Variants in CLTCL1 observed in about 807,000 individuals in gnomAD.
CLTCL1 encodes the protein clathrin heavy chain 2.
In CLTCL1, 159 loss-of-function variants were observed where a neutral mutation model predicts 190.0. The ratio of observed to expected loss-of-function variants is 0.84; its 90% CI spans 0.74 to 0.95. The LOEUF (loss-of-function observed/expected upper bound fraction) is 0.95. Ranked by LOEUF, CLTCL1 falls within the 40% of genes least tolerant of loss-of-function variation. The probability of loss-of-function intolerance (pLI) is 0.00; values close to 1 mark genes in which losing one functional copy is unlikely to be tolerated. For missense variants in CLTCL1, 1,878 were observed against 2,033.4 expected (o/e 0.92, Z 1.47); for synonymous variants, 752 against 769.6 (o/e 0.98, Z 0.38).
chr22:19,282,639 A>G (rs1426960541), intron 1 of CLTCL1, among the ~76,000 whole-genome samples: 1 of 151,770 alleles, frequency 6.6e-6, no homozygotes, highest in African/African-American at 2.4e-5. Context: ...AAAAAAAAAA[A>G]AAGAAAAAGA....
At chr22:19,260,930 GAAAAAA>G (rs34432357) in intron 2 of CLTCL1, among the ~76,000 whole-genome samples, 1 of 139,058 alleles carries the variant, frequency 7.2e-6, no homozygotes, top group Non-Finnish European at 1.6e-5. Context: ...CTACTGATCA[GAAAAAA>G]AAAAAAAGGT....
chr22:19,210,243 T>C (rs2085175502), intron 20 of CLTCL1, 83 bp downstream of exon 20: 1 of 1,387,126 alleles, frequency 7.2e-7, no homozygotes, highest in Non-Finnish European at 1.0e-6. Context: ...TCTGACACCC[T>C]TGGAGAGGAC....
chr22:19,184,268 A>C, intron 29 of CLTCL1: 1 of 338,670 alleles, frequency 3.0e-6, no homozygotes, highest in South Asian at 2.2e-5. Flanking sequence ...TGAGACCCAG[A>C]TGTAGTCACT....
chr22:19,279,740 G>C (rs1555985421), intron 1 of CLTCL1, among the ~76,000 whole-genome samples: 1 of 152,190 alleles, frequency 6.6e-6, no homozygotes, highest in Non-Finnish European at 1.5e-5. Context: ...ATAGAATAGA[G>C]AGCTTTGCGC....
intron 11 of CLTCL1, among the ~76,000 whole-genome samples, chr22:19,229,336 A>G (rs2085847719): frequency 6.6e-6 from 1 of 152,240 alleles, no homozygotes; most frequent in Admixed American, 6.5e-5. Flanking sequence ...AAAGCCAGGT[A>G]AAAGGACAAA....
intron 1 of CLTCL1, among the ~76,000 whole-genome samples, chr22:19,276,485 A>T (rs1246187784): frequency 2.0e-5 from 3 of 152,098 alleles, no homozygotes; most frequent in African/African-American, 7.2e-5. Context: ...CTTTCTCCAA[A>T]GGCCATCTTA....
Position 19,209,117 on chromosome 22 carries a change from A to G in CLTCL1, c.3250-3T>C. On this transcript the variant is annotated splice_region_variant and splice_polypyrimidine_tract_variant and intron_variant, in intron 20 of 32. Transcript: ENST00000427926. ...TTTCCAATGTGCTCGATCAGGACCTAGGGGTTATGAGAGGACTTCCATTCT... is the reference window on the plus strand; with the variant it reads ...TTTCCAATGTGCTCGATCAGGACCTGGGGGTTATGAGAGGACTTCCATTCT... 1 of 1,583,832 alleles carries G rather than the reference A, an allele frequency of 6.3e-7. No homozygotes were observed. The highest frequency in any genetic ancestry group is 8.6e-7 in the Non-Finnish European group (1 of 1,162,526).
At position 19,239,311 on chromosome 22, in the gene CLTCL1, A is replaced by G; in HGVS notation, c.759T>C (p.Pro253=). 1 of 1,613,998 alleles carries G rather than the reference A, an allele frequency of 6.2e-7. No individual in the cohort carries two copies. Among genetic ancestry groups the G allele is most frequent in the Non-Finnish European group, 8.5e-7 (1 of 1,179,858 alleles). The change falls in exon 5 of 33, where the codon CCT becomes CCC. Residue 253 remains proline (P), a synonymous_variant. Transcript: ENST00000427926. ...FVKKAVDVFF[P]PEAQNDFPVA... is the part of the protein sequence containing the mutation. The stretch of plus-strand genomic sequence containing the variant: ...CTGGAAAATCATTCTGTGCCTCTGG[A>G]GGAAAAAACACATCTACTGCTTTCT...
chr22:19,241,994 G>C (rs1569213960), intron 4 of CLTCL1, among the ~76,000 whole-genome samples: 1 of 150,076 alleles, frequency 6.7e-6, no homozygotes, highest in Non-Finnish European at 1.5e-5. Context: ...CCAGGCTGGA[G>C]TGCAGTGGCG....
chr22:19,236,948 CAAAGATTTTAAAT>C (rs1415392987), intron 5 of CLTCL1, among the ~76,000 whole-genome samples: 2 of 151,658 alleles, frequency 1.3e-5, no homozygotes, highest in East Asian at 3.9e-4. Context: ...CCAGATGGGT[CAAAGATTTTAAAT>C]AAAAAACAAG....
intron 2 of CLTCL1, among the ~76,000 whole-genome samples, chr22:19,274,440 A>G (rs1223358962): frequency 6.6e-6 from 1 of 152,248 alleles, no homozygotes; most frequent in Admixed American, 6.5e-5. Flanking sequence ...CATAATTGTA[A>G]TAATTTCTAA....
At chr22:19,242,546 G>A (rs1409947521) in intron 4 of CLTCL1, among the ~76,000 whole-genome samples, 4 of 151,132 alleles carry the variant, frequency 2.6e-5, no homozygotes, top group East Asian at 2.0e-4. Flanking sequence ...CACCCTCTTC[G>A]GCCTCCCAAA....
chr22:19,237,942 A>C (rs1477887017), intron 5 of CLTCL1, among the ~76,000 whole-genome samples: 3 of 152,222 alleles, frequency 2.0e-5, no homozygotes, highest in Non-Finnish European at 4.4e-5. Flanking sequence ...GATAACATAT[A>C]TTTTATGAGA....
chr22:19,248,699 T>C (rs920920961), intron 3 of CLTCL1, among the ~76,000 whole-genome samples: 2 of 152,184 alleles, frequency 1.3e-5, no homozygotes, highest in African/African-American at 4.8e-5. Flanking sequence ...CTTAGCTTAA[T>C]ATTTCCAAGG....
At chr22:19,259,687 T>G (rs1455733196) in intron 2 of CLTCL1, among the ~76,000 whole-genome samples, 3 of 152,174 alleles carry the variant, frequency 2.0e-5, no homozygotes, top group African/African-American at 7.2e-5. Context: ...TGACTGGCCA[T>G]GCCCTAGTCC....
chr22:19,263,698 C>G (rs375529057), intron 2 of CLTCL1, among the ~76,000 whole-genome samples: 16 of 152,132 alleles, frequency 1.1e-4, no homozygotes, highest in Non-Finnish European at 2.2e-4. Context: ...GGATTATAGG[C>G]GTGAGCCACT....
At position 19,291,694 on chromosome 22, in the gene CLTCL1, A is replaced by AC. The variant is rs2088136198; in HGVS notation, c.-54dup. The AC allele has an allele frequency of 1.5e-6, 2 of 1,320,714 alleles. No individual in the cohort carries two copies. The highest frequency in any genetic ancestry group is 1.9e-6 in the Non-Finnish European group (2 of 1,025,994). 81.8% of individuals were successfully genotyped at this position (1,320,714 alleles called of 1,614,324 possible). A position where few individuals can be genotyped will look rare whatever the true frequency, so the allele number is the denominator to read the frequency against. On this transcript the variant is annotated 5_prime_UTR_variant, in exon 1 of 33. Coordinates refer to ENST00000427926, the MANE Select transcript of CLTCL1 (RefSeq NM_007098.4). ...GCGGCAGCGGCAGGAATGAACGCCG[A>AC]CCCCTCGCGCGGGCTGACCGGTGGC...
chr22:19,235,873 T>C lies in CLTCL1; in HGVS notation c.796-4A>G, dbSNP rs1354603627. 9 of 1,611,856 alleles carry C rather than the reference T, an allele frequency of 5.6e-6. No individual in the cohort carries two copies. Among genetic ancestry groups the C allele is most frequent in the African/African-American group, 2.7e-5 (2 of 74,864 alleles). ...TAACACCATGTTTAGCTCCAATCTA[T>C]AAGAAGACAGAGAGCAAGAGGTTGG... is the stretch of plus-strand genomic sequence containing the variant. On this transcript the variant is annotated splice_polypyrimidine_tract_variant and splice_region_variant and intron_variant, in intron 5 of 32. Coordinates refer to ENST00000427926, the MANE Select transcript of CLTCL1 (RefSeq NM_007098.4).
At chr22:19,240,869 C>G (rs17811340) in intron 4 of CLTCL1, among the ~76,000 whole-genome samples, 3,724 of 152,312 alleles carry the variant, frequency 0.024, 50 homozygotes, top group Non-Finnish European at 0.036. Context: ...ACACCAGGCT[C>G]TCAGGGCAGC....
Sources: allele counts gnomAD v4.1 joint callset (sites outside exome capture counted in the v4.1 genomes callset), GRCh38; gene constraint gnomAD v4.1.1; transcripts MANE v1.5; gene names NCBI Gene and HGNC (gene_info 2026-07-23, HGNC 2026-07-21).